Variants in SMC5 observed in about 807,000 individuals in gnomAD.
SMC5 encodes structural maintenance of chromosomes protein 5.
SMC5 carries 88 observed loss-of-function variants against 148.3 expected under a neutral mutation model. The observed-to-expected ratio is 0.59, with a 90% CI of 0.50 to 0.71. The LOEUF (loss-of-function observed/expected upper bound fraction) is 0.71. Among genes scored for constraint, SMC5 ranks in the 30% least tolerant of loss-of-function variants. The pLI, the probability that SMC5 is intolerant of heterozygous loss-of-function variation, is 0.00. For missense variants in SMC5, 1,142 were observed against 1,298.9 expected (o/e 0.88, Z 1.86); for synonymous variants, 421 against 432.8 (o/e 0.97, Z 0.34).
In SMC5 at chr9:70,344,184, T is replaced by A. The variant is rs774312663; in HGVS notation, c.2438T>A (p.Leu813Ter). 2 of 1,557,666 alleles carry A rather than the reference T, an allele frequency of 1.3e-6. No homozygotes were observed. Among genetic ancestry groups the A allele is most frequent in the Non-Finnish European group, 1.7e-6 (2 of 1,150,114 alleles). ...TTGGATGAAAATAGACAGAGATTAT[T>A]GCAGAAATGCAAGGAACTTATGAAA... ...IELDENRQRL[L>*]QKCKELMKRA... is the part of the protein sequence containing the mutation. The change falls in exon 18 of 25, where the codon TTG becomes TAG. Residue 813 changes from leucine to a stop codon, truncating the protein, a stop_gained. Coordinates refer to ENST00000361138, the MANE Select transcript of SMC5 (RefSeq NM_015110.4). LOFTEE classifies it high-confidence loss of function.
At chr9:70,346,903 A>T (rs530976618) in intron 19 of SMC5, among the ~76,000 whole-genome samples, 163 bp from the exon 20 acceptor site, 5 of 152,332 alleles carry the variant, frequency 3.3e-5, no homozygotes, top group Non-Finnish European at 7.3e-5. Flanking sequence ...TTAAAGTACA[A>T]GCTTTTGAAG....
chr9:70,325,717 T>C (rs917399452), intron 17 of SMC5, among the ~76,000 whole-genome samples: 2 of 152,118 alleles, frequency 1.3e-5, no homozygotes, highest in Non-Finnish European at 2.9e-5. Context: ...AGAAGGGAGA[T>C]AATGCAAGTA....
chr9:70,340,616 T>G (rs2036495798), intron 17 of SMC5, among the ~76,000 whole-genome samples: 1 of 152,100 alleles, frequency 6.6e-6, no homozygotes, highest in African/African-American at 2.4e-5. Flanking sequence ...CAGCTAATGT[T>G]TTAGTAAAAG....
chr9:70,342,405 AAAT>A (rs537967924), intron 17 of SMC5, among the ~76,000 whole-genome samples: 7 of 152,120 alleles, frequency 4.6e-5, no homozygotes, highest in South Asian at 2.1e-4. Context: ...ATAAAATAAT[AAAT>A]AATAATAATA....
chr9:70,316,833 G>C (rs2035815762), intron 13 of SMC5, among the ~76,000 whole-genome samples: 1 of 152,006 alleles, frequency 6.6e-6, no homozygotes, highest in Non-Finnish European at 1.5e-5. Context: ...ACTGCTGTTT[G>C]TACTAGAGAA....
chr9:70,275,822 G>T (rs1222076185), intron 3 of SMC5, among the ~76,000 whole-genome samples: 2 of 151,850 alleles, frequency 1.3e-5, no homozygotes, highest in Non-Finnish European at 2.9e-5. Context: ...CATCAGTTTT[G>T]CAAAGTTCTT....
Position 70,259,263 on chromosome 9 carries a change from T to G in SMC5, c.185T>G (p.Leu62Arg). ...GTCCGCATCTCGATGGAGAACTTCC[T>G]GTAAGTTGCCCGGAGGCCGCGCCGC... is the stretch of plus-strand genomic sequence containing the variant. ...SIVRISMENF[L>R]TYDICEVSPG... Residue 62 changes from leucine (L) to arginine (R), a missense_variant and splice_region_variant, in exon 1 of 25, where the codon CTA (leucine) becomes CGA (arginine). Physicochemically the swap from Leu to Arg is moderately radical, Grantham distance 102. Around this residue, in one of 5 missense-constraint regions of SMC5, gnomAD observed 297 missense variants for 302.6 expected, o/e 0.98. Coordinates refer to ENST00000361138, the MANE Select transcript of SMC5 (RefSeq NM_015110.4). The G allele has an allele frequency of 6.3e-7, 1 of 1,576,398 alleles. No individual in the cohort carries two copies. Among genetic ancestry groups the G allele is most frequent in the Non-Finnish European group, 8.6e-7 (1 of 1,159,760 alleles).
intron 8 of SMC5, among the ~76,000 whole-genome samples, chr9:70,294,291 T>C (rs1331135336): frequency 6.6e-6 from 1 of 152,214 alleles, no homozygotes; most frequent in Non-Finnish European, 1.5e-5. Flanking sequence ...AATAGGTTTA[T>C]CTGGTAGTTT....
At chr9:70,262,172 T>A (rs2034156356) in intron 1 of SMC5, among the ~76,000 whole-genome samples, 1 of 152,034 alleles carries the variant, frequency 6.6e-6, no homozygotes, top group Non-Finnish European at 1.5e-5. Context: ...GTGAACCAAG[T>A]CAAATGGAGT....
chr9:70,285,014 C>G (rs1248715385), intron 7 of SMC5, among the ~76,000 whole-genome samples: 1 of 151,926 alleles, frequency 6.6e-6, no homozygotes, highest in Non-Finnish European at 1.5e-5. Flanking sequence ...CGTTTAGTCT[C>G]TCTGAGTTTT....
intron 17 of SMC5, among the ~76,000 whole-genome samples, chr9:70,342,443 A>G (rs1320123758): frequency 6.6e-6 from 1 of 152,060 alleles, no homozygotes; most frequent in Non-Finnish European, 1.5e-5. Context: ...TCAGCCCCGG[A>G]GATATTAATC....
chr9:70,296,068 G>A (rs1053612529), intron 8 of SMC5, among the ~76,000 whole-genome samples: 1 of 152,088 alleles, frequency 6.6e-6, no homozygotes, highest in Admixed American at 6.6e-5. Flanking sequence ...TTGGGGATAT[G>A]TGCATTTTGT....
intron 11 of SMC5, chr9:70,311,107 T>G (rs1218844171): frequency 6.6e-6 from 1 of 152,236 alleles, no homozygotes; most frequent in African/African-American, 2.4e-5. Flanking sequence ...CTTCAAGAAC[T>G]CTTCCTTTGC....
chr9:70,268,676 A>G (rs964355408), intron 3 of SMC5, among the ~76,000 whole-genome samples: 3 of 152,026 alleles, frequency 2.0e-5, no homozygotes, highest in African/African-American at 7.2e-5. Context: ...GTAGAAGTGT[A>G]TAATGTTGAA....
In SMC5 at chr9:70,274,470, T is replaced by C. The variant is rs1587626176; in HGVS notation, c.381-2840T>C. ...GTTTGCCATTAATGTAGTTAGCAGC[T>C]TTTTTTTTTTTCCCAGTATTTTTCT... On this transcript the variant is annotated intron_variant, in intron 3 of 24. Transcript: ENST00000361138. 2.2e-5 allele frequency among the ~76,000 whole-genome samples: 3 copies of C among 135,576 alleles called. No homozygotes were observed. In the East Asian group the frequency reaches 5.9e-4, roughly 27 times the overall value. 88.9% of individuals were successfully genotyped at this position (135,576 alleles called of 152,430 possible).
intron 24 of SMC5, among the ~76,000 whole-genome samples, chr9:70,351,057 C>T (rs2036791911): frequency 2.0e-5 from 3 of 152,088 alleles, no homozygotes; most frequent in Admixed American, 2.0e-4. Flanking sequence ...TTTAAGTATT[C>T]ATGAAAAATT....
intron 7 of SMC5, among the ~76,000 whole-genome samples, chr9:70,285,655 T>A (rs765362554): frequency 6.6e-6 from 1 of 152,232 alleles, no homozygotes; most frequent in Non-Finnish European, 1.5e-5. Flanking sequence ...TAGTCTATAA[T>A]GTTGTTTTCT....
rs758987773 is a variant in SMC5, at chr9:70,347,053, A to AT, written c.2569-6dup. 2.0e-5 allele frequency: 32 copies of AT among 1,605,118 alleles called. No individual in the cohort carries two copies. Among genetic ancestry groups the AT allele is most frequent in the South Asian group, 6.6e-5 (6 of 90,596 alleles). ...TTCATTGTATCTATAATGACGGGCAATTTTTTTCTTAGGTTTTCCAAGACC... is the reference window on the plus strand; with the variant it reads ...TTCATTGTATCTATAATGACGGGCAATTTTTTTTCTTAGGTTTTCCAAGACC... On this transcript the variant is annotated splice_polypyrimidine_tract_variant and intron_variant, in intron 19 of 24. Transcript: ENST00000361138.
rs1564031538 is a variant in SMC5, at chr9:70,286,561, G to A, written c.1053+290G>A. ...TGGTTACCTTAACAGCAAAAACTAA[G>A]GTCTAAGGGATTTATTCTGTTGTTG... On this transcript the variant is annotated intron_variant, in intron 8 of 24. Coordinates refer to ENST00000361138, the MANE Select transcript of SMC5 (RefSeq NM_015110.4). Among the ~76,000 whole-genome samples, 8 of 152,020 alleles carry A rather than the reference G, an allele frequency of 5.3e-5. No homozygotes were observed. The South Asian group carries it at 1.5e-3, about 28-fold the overall frequency.
Sources: allele counts gnomAD v4.1 joint callset (sites outside exome capture counted in the v4.1 genomes callset), GRCh38; gene constraint gnomAD v4.1.1; regional missense constraint gnomAD v4.1.1; transcripts MANE v1.5; gene names NCBI Gene and HGNC (gene_info 2026-07-23, HGNC 2026-07-21).